PKP1: variants seen among roughly 807,000 people sequenced by gnomAD.
PKP1 encodes the protein plakophilin 1.
In PKP1, 27 loss-of-function variants were observed where a neutral mutation model predicts 76.4. The observed-to-expected ratio is 0.35, with a 90% CI of 0.26 to 0.49. PKP1 has a LOEUF of 0.49. Ranked by LOEUF, PKP1 falls within the 20% of genes least tolerant of loss-of-function variation. The pLI, the probability that PKP1 is intolerant of heterozygous loss-of-function variation, is 0.99. For synonymous variants in PKP1, 404 were observed against 384.2 expected, an observed-to-expected ratio of 1.05 and a Z score of -0.60; for missense variants, 964 against 955.2, an observed-to-expected ratio of 1.01 and a Z score of -0.12.
chr1:201,316,370 C>T, intron 3 of PKP1, 183 bp from the exon 4 acceptor site: 1 of 622,364 alleles, frequency 1.6e-6, no homozygotes, highest in Non-Finnish European at 2.9e-6. Context: ...TGTAGCCTTC[C>T]CTCCTCTGGA....
chr1:201,324,903 T>A, intron 10 of PKP1, 38 bp from the exon 11 acceptor site: 1 of 1,593,412 alleles, frequency 6.3e-7, no homozygotes, highest in East Asian at 2.2e-5. Context: ...CCTTCCCCAG[T>A]CATCCTGACC....
At chr1:201,305,404 C>T (rs574294710) in intron 2 of PKP1, among the ~76,000 whole-genome samples, 33 of 152,200 alleles carry the variant, frequency 2.2e-4, no homozygotes, top group Non-Finnish European at 2.6e-4. Context: ...GTGGTCCCAT[C>T]TGCTTGAGAG....
At chr1:201,286,864 G>T (rs1220608959) in intron 1 of PKP1, among the ~76,000 whole-genome samples, 1 of 152,120 alleles carries the variant, frequency 6.6e-6, no homozygotes, top group African/African-American at 2.4e-5. Flanking sequence ...ACCTCCCTGA[G>T]GATGGGGAAG....
At chr1:201,328,070 C>T (rs1657204862) in intron 12 of PKP1, among the ~76,000 whole-genome samples, 1 of 152,234 alleles carries the variant, frequency 6.6e-6, no homozygotes, top group South Asian at 2.1e-4. Context: ...TGATGGCTGG[C>T]TTGGCTCTCA....
rs577134190 is a variant in PKP1, at chr1:201,307,523, C to A, written c.307-5643C>A. Among the ~76,000 whole-genome samples, 42 of 152,304 alleles carry A rather than the reference C, an allele frequency of 2.8e-4. 2 individuals are homozygous for A. In the South Asian group the frequency reaches 8.7e-3, roughly 32 times the overall value. On this transcript the variant is annotated intron_variant, in intron 2 of 13. Transcript: ENST00000367324. ...CGACCGCCTGGAGCCCTGTGTGCCC[C>A]ATTCTCGGCAGCCTTGCTCGGGGAG...
intron 12 of PKP1, 41 bp from the exon 13 acceptor site, chr1:201,328,721 C>T (rs764128161): frequency 6.3e-7 from 1 of 1,582,732 alleles, no homozygotes; most frequent in Non-Finnish European, 8.7e-7. Flanking sequence ...GCAAGCCCCA[C>T]ACAGTTTTGT....
chr1:201,293,885 C>A (rs1185537673), intron 1 of PKP1, 57 bp from the exon 2 acceptor site: 2 of 1,147,138 alleles, frequency 1.7e-6, no homozygotes, highest in Non-Finnish European at 2.6e-6. Flanking sequence ...CCCTGAGGAA[C>A]AGGGGTGGAT....
At chr1:201,325,236 G>A in intron 11 of PKP1, 109 bp downstream of exon 11, 1 of 1,159,592 alleles carries the variant, frequency 8.6e-7, no homozygotes, top group Non-Finnish European at 1.3e-6. Flanking sequence ...AAGCACCAAG[G>A]GCAGGGGGAG....
In PKP1 at chr1:201,322,047, T is replaced by G; in HGVS notation, c.1417T>G (p.Tyr473Asp). 1 of 1,613,848 alleles carries G rather than the reference T, an allele frequency of 6.2e-7. No homozygotes were observed. The change falls in exon 8 of 14, where the codon TAC (tyrosine) becomes GAC (aspartate). Residue 473 changes from tyrosine (Y) to aspartate (D), a missense_variant. Physicochemically the swap from Tyr to Asp is radical, Grantham distance 160. Coordinates refer to ENST00000367324, the MANE Select transcript of PKP1 (RefSeq NM_001005337.3). ...YRLDAEVPTR[Y>D]RQLEYNARNA... ...CCTGGACGCCGAGGTGCCCACCCGC[T>G]ACCGCCAGCTGGAGTATAACGCCCG...
Position 201,318,351 on chromosome 1 carries a change from G to A in PKP1, c.1055-267G>A, listed in dbSNP as rs1108495. 1.9e-3 allele frequency among the ~76,000 whole-genome samples: 286 copies of A among 152,302 alleles called. 1 individual carries two copies. Among genetic ancestry groups the A allele is most frequent in the African/African-American group, 6.7e-3 (278 of 41,558 alleles). ...ACTAAAAACCACTGATCAATCAAAC[G>A]TTTTTTGATCACTTTCCACATGCAT... is the stretch of plus-strand genomic sequence containing the variant. On this transcript the variant is annotated intron_variant, in intron 5 of 13. Coordinates refer to ENST00000367324, the MANE Select transcript of PKP1 (RefSeq NM_001005337.3).
intron 2 of PKP1, among the ~76,000 whole-genome samples, chr1:201,304,965 G>A (rs1656332944): frequency 6.6e-6 from 1 of 152,320 alleles, no homozygotes. Flanking sequence ...GGTGATGAAC[G>A]GGGAAGCCCT....
intron 1 of PKP1, among the ~76,000 whole-genome samples, chr1:201,288,352 C>G (rs975428767): frequency 1.3e-5 from 2 of 152,220 alleles, no homozygotes. Flanking sequence ...TCGTAAACAT[C>G]CTAACATATT....
chr1:201,320,744 C>T (rs897698751), intron 7 of PKP1, among the ~76,000 whole-genome samples: 1 of 152,196 alleles, frequency 6.6e-6, no homozygotes, highest in East Asian at 1.9e-4. Flanking sequence ...AGAGGAAGCT[C>T]CCAGCGAGCA....
chr1:201,327,592 C>T (rs577899682), intron 12 of PKP1, among the ~76,000 whole-genome samples: 62 of 151,964 alleles, frequency 4.1e-4, no homozygotes, highest in African/African-American at 1.4e-3. Flanking sequence ...AAGCATTCAG[C>T]TTACCCCAAA....
chr1:201,320,225 TC>T (rs761050368), intron 6 of PKP1, 41 bp from the exon 7 acceptor site: 21 of 1,274,950 alleles, frequency 1.6e-5, no homozygotes, highest in Admixed American at 1.0e-4. Context: ...CGTTCTCTCT[TC>T]CCCCTTTCTC....
Position 201,313,580 on chromosome 1 carries a change from G to A in PKP1, c.701+20G>A, listed in dbSNP as rs1192141655. On this transcript the variant is annotated intron_variant, in intron 3 of 13. Transcript: ENST00000367324. ...CTCCAAGTGAGTGCTGCTGGGCTGG[G>A]TTGGGGAGCCAGGAGGGCCAGTGGG... The A allele has an allele frequency of 6.2e-7, 1 of 1,605,316 alleles. No individual in the cohort carries two copies. The highest frequency in any genetic ancestry group is 1.3e-5 in the African/African-American group (1 of 74,664).
chr1:201,311,968 C>G (rs976668591), intron 2 of PKP1, among the ~76,000 whole-genome samples: 2 of 152,364 alleles, frequency 1.3e-5, no homozygotes, highest in Admixed American at 6.5e-5. Context: ...GAGGCCGACT[C>G]CCCACTTGGG....
chr1:201,316,784 G>A (rs1571557213), intron 4 of PKP1, 87 bp downstream of exon 4: 14 of 1,421,230 alleles, frequency 9.9e-6, no homozygotes, highest in Non-Finnish European at 1.3e-5. Context: ...ATGGGTGAGG[G>A]CATCTGCAGT....
intron 2 of PKP1, among the ~76,000 whole-genome samples, chr1:201,308,548 T>C (rs1656435584): frequency 6.6e-6 from 1 of 152,138 alleles, no homozygotes; most frequent in Non-Finnish European, 1.5e-5. Context: ...AACAGGCCTT[T>C]TGGAGATGAC....
Sources: gnomAD v4.1 joint callset for allele counts (sites outside exome capture counted in the v4.1 genomes callset) on GRCh38, gnomAD v4.1.1 for gene constraint, MANE v1.5 for transcripts, NCBI Gene and HGNC (gene_info 2026-07-23, HGNC 2026-07-21) for gene names.